POFUT1: variants seen among roughly 807,000 people sequenced by gnomAD.
POFUT1 encodes the protein protein O-fucosyltransferase 1.
A neutral mutation model predicts 42.4 loss-of-function variants in POFUT1; 16 were observed. That is an observed-to-expected ratio of 0.38 (90% CI 0.26 to 0.57). The LOEUF is 0.57. Among genes scored for constraint, POFUT1 ranks in the 20% least tolerant of loss-of-function variants. The pLI, the probability that POFUT1 is intolerant of heterozygous loss-of-function variation, is 0.71. For missense variants in POFUT1, 470 were observed against 504.6 expected (o/e 0.93, Z 0.66); for synonymous variants, 206 against 205.4 (o/e 1.00, Z -0.03).
chr20:32,223,295 C>T (rs923129584), intron 4 of POFUT1: 30 of 985,300 alleles, frequency 3.0e-5, no homozygotes, highest in Non-Finnish European at 3.6e-5. Flanking sequence ...CCTGTTCCCC[C>T]CTCATTCTTT....
chr20:32,219,659 G>A (rs1186042029), intron 4 of POFUT1, among the ~76,000 whole-genome samples: 4 of 152,000 alleles, frequency 2.6e-5, no homozygotes, highest in Non-Finnish European at 5.9e-5. Flanking sequence ...ACCACGCCCG[G>A]CTGATTTTTT....
Position 32,236,926 on chromosome 20 carries a change from G to C in POFUT1, c.*2265G>C, listed in dbSNP as rs2047473909. The C allele has an allele frequency of 6.6e-6, 1 of 152,216 alleles. No homozygotes were observed. The highest frequency in any genetic ancestry group is 1.5e-5 in the Non-Finnish European group (1 of 68,044). The allele number at this position is 152,216 out of a possible 1,614,324, so 9.4% of individuals were successfully genotyped here. ...TTTTCCCAAGGCTGCCCAGCTGGTG[G>C]TGTTAAGCCAGAATTTGACCTCCCA... is the stretch of plus-strand genomic sequence containing the variant. On this transcript the variant is annotated 3_prime_UTR_variant, in exon 7 of 7. Transcript: ENST00000375749.
chr20:32,234,515 C>T lies in POFUT1; in HGVS notation c.1021C>T (p.Leu341=). ...SLKPEVAQVD[L]YILGQADHFI... Reference sequence around the variant, plus strand: ...GAAGCCTGAGGTGGCCCAGGTCGACCTGTACATCCTCGGCCAAGCCGACCA... The same window carrying T: ...GAAGCCTGAGGTGGCCCAGGTCGACTTGTACATCCTCGGCCAAGCCGACCA... Residue 341 remains leucine, a synonymous_variant, in exon 7 of 7, where the codon CTG becomes TTG. Transcript: ENST00000375749. The T allele has an allele frequency of 6.2e-7, 1 of 1,613,556 alleles. No homozygotes were observed. Among genetic ancestry groups the T allele is most frequent in the Non-Finnish European group, 8.5e-7 (1 of 1,179,660 alleles).
Position 32,216,729 on chromosome 20 carries a change from G to C in POFUT1, c.542+8G>C. On this transcript the variant is annotated splice_region_variant and intron_variant, in intron 4 of 6. Coordinates refer to ENST00000375749, the MANE Select transcript of POFUT1 (RefSeq NM_015352.2). ...AGAACAATGGAGCCAGAGGTACTTG[G>C]AGGGGGTAGCGTTTCTGGGTTTAGG... 6.3e-7 allele frequency: 1 copy of C among 1,586,816 alleles called. No individual in the cohort carries two copies. The highest frequency in any genetic ancestry group is 8.7e-7 in the Non-Finnish European group (1 of 1,155,174).
chr20:32,215,192 A>T, intron 2 of POFUT1, 77 bp from the exon 3 acceptor site: 1 of 1,149,526 alleles, frequency 8.7e-7, no homozygotes, highest in Non-Finnish European at 1.3e-6. Context: ...CCTGGCCTGG[A>T]GTGTATTGTT....
Position 32,234,476 on chromosome 20 carries a change from A to G in POFUT1, c.982A>G (p.Lys328Glu). Reference sequence around the variant, plus strand: ...TGCTCTGTGCTTCTTCCTGCAGGTGAAGGTGGTGAGCCTGAAGCCTGAGGT... The same window carrying G: ...TGCTCTGTGCTTCTTCCTGCAGGTGGAGGTGGTGAGCCTGAAGCCTGAGGT... ...ELQQLFKGKV[K>E]VVSLKPEVAQ... Residue 328 changes from lysine (K) to glutamate (E), a missense_variant, in exon 7 of 7, where the codon AAG becomes GAG. Physicochemically the swap from Lys to Glu is moderately conservative, Grantham distance 56. Coordinates refer to ENST00000375749, the MANE Select transcript of POFUT1 (RefSeq NM_015352.2). 6.2e-7 allele frequency: 1 copy of G among 1,603,092 alleles called. No homozygotes were observed. The highest frequency in any genetic ancestry group is 1.1e-5 in the South Asian group (1 of 89,290).
intron 2 of POFUT1, 72 bp from the exon 3 acceptor site, chr20:32,215,197 A>T: frequency 8.1e-7 from 1 of 1,229,816 alleles, no homozygotes; most frequent in Non-Finnish European, 1.2e-6. Flanking sequence ...CCTGGAGTGT[A>T]TTGTTTTAAT....
Position 32,234,656 on chromosome 20 carries a change from T to G in POFUT1, c.1162T>G (p.Phe388Val). Reference sequence around the variant, plus strand: ...CAGGCCCCCTAAGCTGCGGGACGAGTTCTGATTCTGGCCGGAGCACCAGAC... The same window carrying G: ...CAGGCCCCCTAAGCTGCGGGACGAGGTCTGATTCTGGCCGGAGCACCAGAC... ...MDRPPKLRDE[F>V] The change falls in exon 7 of 7, where the codon TTC becomes GTC. Residue 388 changes from phenylalanine (F) to valine (V), a missense_variant. Phe to Val is a conservative substitution (Grantham distance 50). Transcript: ENST00000375749. The G allele has an allele frequency of 6.2e-7, 1 of 1,604,590 alleles. No individual in the cohort carries two copies. Among genetic ancestry groups the G allele is most frequent in the Non-Finnish European group, 8.5e-7 (1 of 1,174,634 alleles).
intron 2 of POFUT1, 127 bp downstream of exon 2, chr20:32,210,319 C>A: frequency 1.1e-6 from 1 of 889,972 alleles, no homozygotes; most frequent in Non-Finnish European, 1.8e-6. Flanking sequence ...CCAGCCAGAA[C>A]TGTCTTCACT....
intron 2 of POFUT1, among the ~76,000 whole-genome samples, chr20:32,213,233 G>A (rs1023193590): frequency 1.3e-5 from 2 of 152,044 alleles, no homozygotes; most frequent in African/African-American, 4.8e-5. Flanking sequence ...AGTGGGAGGC[G>A]GGCAAATCAC....
At chr20:32,210,050 C>T in intron 1 of POFUT1, 21 bp from the exon 2 acceptor site, 1 of 1,614,120 alleles carries the variant, frequency 6.2e-7, no homozygotes, top group Non-Finnish European at 8.5e-7. Context: ...CCTCACCTCA[C>T]CCGCAATGTA....
chr20:32,219,337 A>G (rs1043854090), intron 4 of POFUT1, among the ~76,000 whole-genome samples: 7 of 152,308 alleles, frequency 4.6e-5, no homozygotes, highest in African/African-American at 1.7e-4. Context: ...GAGGAAAAGT[A>G]GTTCACAGCA....
chr20:32,236,359 A>T lies in POFUT1; in HGVS notation c.*1698A>T, dbSNP rs986745274. The T allele has an allele frequency of 1.3e-5, 2 of 152,198 alleles. No homozygotes were observed. Among genetic ancestry groups the T allele is most frequent in the African/African-American group, 4.8e-5 (2 of 41,398 alleles). 9.4% of individuals were successfully genotyped at this position (152,198 alleles called of 1,614,324 possible). A position where few individuals can be genotyped will look rare whatever the true frequency, so the allele number is the denominator to read the frequency against. On this transcript the variant is annotated 3_prime_UTR_variant, in exon 7 of 7. Transcript: ENST00000375749. ...CCGCCTAATTTTTTTTCCCCCCAAGACAGGGCCTTGCTCTGTCTCCCAGGC... is the reference window on the plus strand; with the variant it reads ...CCGCCTAATTTTTTTTCCCCCCAAGTCAGGGCCTTGCTCTGTCTCCCAGGC...
intron 1 of POFUT1, among the ~76,000 whole-genome samples, chr20:32,208,908 A>G (rs2047310762): frequency 6.6e-6 from 1 of 152,238 alleles, no homozygotes; most frequent in East Asian, 1.9e-4. Context: ...GATGAATACT[A>G]AGGGAAAATA....
intron 4 of POFUT1, chr20:32,222,700 C>A: frequency 1.0e-6 from 1 of 985,368 alleles, no homozygotes; most frequent in Non-Finnish European, 1.2e-6. Context: ...TTCTTTACCA[C>A]GTGATTTCTG....
At chr20:32,227,973 A>G (rs1467931221) in intron 4 of POFUT1, among the ~76,000 whole-genome samples, 1 of 152,160 alleles carries the variant, frequency 6.6e-6, no homozygotes, top group Non-Finnish European at 1.5e-5. Flanking sequence ...AGCCAGTGTG[A>G]CATATAAAAG....
At chr20:32,226,049 CATT>C (rs2047413245) in intron 4 of POFUT1, among the ~76,000 whole-genome samples, 1 of 152,310 alleles carries the variant, frequency 6.6e-6, no homozygotes, top group East Asian at 1.9e-4. Flanking sequence ...CATTAAAACA[CATT>C]ACCCTCTGGG....
Position 32,237,794 on chromosome 20 carries a change from G to A in POFUT1, c.*3133G>A, listed in dbSNP as rs779493641. ...CAGGGCTGTTAACAGGGTTGCAGGC[G>A]AGAGACTGGGGTGCTGGGCTCCCCT... On this transcript the variant is annotated 3_prime_UTR_variant, in exon 7 of 7. Coordinates refer to ENST00000375749, the MANE Select transcript of POFUT1 (RefSeq NM_015352.2). 1.1e-5 allele frequency: 6 copies of A among 534,712 alleles called. No individual in the cohort carries two copies. Among genetic ancestry groups the A allele is most frequent in the Admixed American group, 1.9e-5 (1 of 51,606 alleles). 33.1% of individuals were successfully genotyped at this position (534,712 alleles called of 1,614,324 possible).
At chr20:32,212,601 A>AT (rs1272461436) in intron 2 of POFUT1, among the ~76,000 whole-genome samples, 1 of 151,916 alleles carries the variant, frequency 6.6e-6, no homozygotes, top group Non-Finnish European at 1.5e-5. Context: ...TTCATTTTTG[A>AT]TGAAGAGTCT....
Sources: gnomAD v4.1 joint callset for allele counts (sites outside exome capture counted in the v4.1 genomes callset) on GRCh38, gnomAD v4.1.1 for gene constraint, MANE v1.5 for transcripts, NCBI Gene and HGNC (gene_info 2026-07-23, HGNC 2026-07-21) for gene names.